The following DZIP3 variants were observed in gnomAD, a reference collection of about 807,000 sequenced individuals.
The protein encoded by DZIP3 is DAZ interacting zinc finger protein 3, also known as E3 ubiquitin-protein ligase DZIP3.
In DZIP3, 118 loss-of-function variants were observed where a neutral mutation model predicts 162.0. The observed-to-expected ratio is 0.73, with a 90% CI of 0.63 to 0.85. The LOEUF is 0.85. Among genes scored for constraint, DZIP3 ranks in the 40% least tolerant of loss-of-function variants. DZIP3 has a pLI of 0.00. For missense variants in DZIP3, 1,331 were observed against 1,407.0 expected (o/e 0.95, Z 0.86); for synonymous variants, 438 against 458.6 (o/e 0.96, Z 0.57).
intron 19 of DZIP3, among the ~76,000 whole-genome samples, chr3:108,656,693 G>C (rs1233389409): frequency 6.6e-6 from 1 of 151,994 alleles, no homozygotes; most frequent in East Asian, 1.9e-4. Flanking sequence ...AAACTACTCC[G>C]AGCTAAAGGA....
chr3:108,652,455 TAAC>T (rs1242550414), intron 18 of DZIP3, among the ~76,000 whole-genome samples: 1 of 151,898 alleles, frequency 6.6e-6, no homozygotes, highest in Non-Finnish European at 1.5e-5. Flanking sequence ...TTGTACTGCC[TAAC>T]AACATTTTGA....
chr3:108,595,495 A>G (rs1054977300), intron 1 of DZIP3, among the ~76,000 whole-genome samples: 1 of 152,114 alleles, frequency 6.6e-6, no homozygotes, highest in Admixed American at 6.6e-5. Context: ...GATTACAGAC[A>G]TGAGCCACCA....
rs773984419 is a variant in DZIP3, at chr3:108,677,418, A to C, written c.2782-79A>C. 292 of 1,223,432 alleles carry C rather than the reference A, an allele frequency of 2.4e-4. 1 individual carries two copies. The highest frequency in any genetic ancestry group is 5.9e-4 in the Middle Eastern group (3 of 5,120). 75.8% of individuals were successfully genotyped at this position (1,223,432 alleles called of 1,614,324 possible). On this transcript the variant is annotated intron_variant, in intron 25 of 32. Transcript: ENST00000361582. ...CCACTCTTGTATGTTGTATTATTCA[A>C]AACTACATCAGATATTCCCATATGC...
chr3:108,625,759 T>A (rs1941561630), intron 6 of DZIP3, 86 bp from the exon 7 acceptor site: 1 of 1,350,384 alleles, frequency 7.4e-7, no homozygotes, highest in Non-Finnish European at 9.8e-7. Flanking sequence ...CTGCCCTAAT[T>A]TCTCCAGTTT....
intron 8 of DZIP3, among the ~76,000 whole-genome samples, chr3:108,630,925 T>C (rs1209434450): frequency 6.6e-6 from 1 of 151,454 alleles, no homozygotes. Flanking sequence ...AAAGAAATAC[T>C]GCTATTTAAA....
chr3:108,595,768 A>G (rs1939681331), intron 1 of DZIP3, among the ~76,000 whole-genome samples: 1 of 152,226 alleles, frequency 6.6e-6, no homozygotes, highest in Non-Finnish European at 1.5e-5. Context: ...GAAGACTTGA[A>G]TTATAGCTTT....
chr3:108,674,457 G>A (rs1372197838), intron 24 of DZIP3, among the ~76,000 whole-genome samples: 1 of 151,828 alleles, frequency 6.6e-6, no homozygotes, highest in Admixed American at 6.6e-5. Flanking sequence ...GAAGCACTGA[G>A]AAGTCTAATG....
chr3:108,662,404 A>C, intron 21 of DZIP3, 147 bp downstream of exon 21: 1 of 1,035,234 alleles, frequency 9.7e-7, no homozygotes, highest in Non-Finnish European at 1.3e-6. Context: ...AAAACCAACC[A>C]TATTTTTGTC....
Position 108,694,579 on chromosome 3 carries a change from A to G in DZIP3, c.*1226A>G. On this transcript the variant is annotated 3_prime_UTR_variant, in exon 33 of 33. Coordinates refer to ENST00000361582, the MANE Select transcript of DZIP3 (RefSeq NM_014648.4). ...GGAAACTCCCATTTTTAAAACCATC[A>G]GATCTCATGAGGCTTACTATCACGA... is the stretch of plus-strand genomic sequence containing the variant. 1 of 155,498 alleles carries G rather than the reference A, an allele frequency of 6.4e-6. No individual in the cohort carries two copies. Among genetic ancestry groups the G allele is most frequent in the Non-Finnish European group, 1.4e-5 (1 of 70,702 alleles). The allele number at this position is 155,498 out of a possible 1,614,324, so 9.6% of individuals were successfully genotyped here. A position where few individuals can be genotyped will look rare whatever the true frequency, so the allele number is the denominator to read the frequency against.
At chr3:108,658,707 T>C (rs1315625062) in intron 19 of DZIP3, among the ~76,000 whole-genome samples, 1 of 151,680 alleles carries the variant, frequency 6.6e-6, no homozygotes, top group African/African-American at 2.4e-5. Flanking sequence ...CAGGAGCTGG[T>C]TTTTTGAAAA....
Position 108,624,531 on chromosome 3 carries a change from A to G in DZIP3, c.456+7A>G. Reference sequence around the variant, plus strand: ...TGAAAGAGGAAAGAAAGAGGTATGTAACATGTTATTTGCCCTTTATAAATC... The same window carrying G: ...TGAAAGAGGAAAGAAAGAGGTATGTGACATGTTATTTGCCCTTTATAAATC... On this transcript the variant is annotated splice_region_variant and intron_variant, in intron 6 of 32. Coordinates refer to ENST00000361582, the MANE Select transcript of DZIP3 (RefSeq NM_014648.4). 1 of 1,503,796 alleles carries G rather than the reference A, an allele frequency of 6.6e-7. No homozygotes were observed. Among genetic ancestry groups the G allele is most frequent in the Admixed American group, 1.9e-5 (1 of 53,872 alleles). 93.2% of individuals were successfully genotyped at this position (1,503,796 alleles called of 1,614,324 possible).
chr3:108,624,646 T>C (rs1390781846), intron 6 of DZIP3, 122 bp downstream of exon 6: 2 of 491,090 alleles, frequency 4.1e-6, no homozygotes, highest in Non-Finnish European at 7.1e-6. Context: ...TATAACTTCA[T>C]TTCTTTTATT....
Position 108,636,699 on chromosome 3 carries a change from T to G in DZIP3, c.1002T>G (p.Val334=). 1 of 1,575,578 alleles carries G rather than the reference T, an allele frequency of 6.3e-7. No homozygotes were observed. ...RMLQCDVPGI[V]KILFEVVRKD... is the part of the protein sequence containing the mutation. Reference sequence around the variant, plus strand: ...TGCAATGTGATGTACCTGGAATTGTTAAAATTTTGGTGAGTATCTTGTTTT... The same window carrying G: ...TGCAATGTGATGTACCTGGAATTGTGAAAATTTTGGTGAGTATCTTGTTTT... The change falls in exon 11 of 33, where the codon GTT becomes GTG. Residue 334 remains valine (V), a synonymous_variant. Coordinates refer to ENST00000361582, the MANE Select transcript of DZIP3 (RefSeq NM_014648.4).
rs1379147975 is a variant in DZIP3 at position 108,661,915 on chromosome 3, T to C, written c.2238T>C (p.Thr746=). 6.2e-7 allele frequency: 1 copy of C among 1,613,972 alleles called. No homozygotes were observed. Among genetic ancestry groups the C allele is most frequent in the Non-Finnish European group, 8.5e-7 (1 of 1,179,904 alleles). Residue 746 remains threonine, a synonymous_variant, in exon 20 of 33, where the codon ACT becomes ACC. Coordinates refer to ENST00000361582, the MANE Select transcript of DZIP3 (RefSeq NM_014648.4). ...AAGTAACTACAGACTATGGAGAAAC[T>C]GAAAAGGAAAGGCTTGCTCGTCAAA... ...AGKVTTDYGE[T]EKERLARQRQ... is the part of the protein sequence containing the mutation.
At chr3:108,662,005 TGA>T in intron 20 of DZIP3, 33 bp downstream of exon 20, 1 of 1,599,226 alleles carries the variant, frequency 6.3e-7, no homozygotes, top group African/African-American at 1.3e-5. Context: ...CTGATGGAAG[TGA>T]GAAGTATTTC....
rs770072325 is a variant in DZIP3, at chr3:108,608,146, A to G, written c.90A>G (p.Ser30=). 4.3e-6 allele frequency: 7 copies of G among 1,612,634 alleles called. No homozygotes were observed. The highest frequency in any genetic ancestry group is 5.9e-6 in the Non-Finnish European group (7 of 1,178,990). ...KEETENKLEK[S]SGQLNKQEND... ...AAACTGAGAATAAGCTAGAAAAATC[A>G]TCTGGTCAACTGGTAAGAGAAAGTT... The change falls in exon 3 of 33, where the codon TCA becomes TCG. Residue 30 remains serine, a synonymous_variant. Transcript: ENST00000361582.
intron 21 of DZIP3, 122 bp from the exon 22 acceptor site, chr3:108,669,559 C>T: frequency 2.6e-6 from 2 of 769,006 alleles, no homozygotes; most frequent in Non-Finnish European, 4.1e-6. Flanking sequence ...TATTCAGGCT[C>T]AAGATTTGTG....
At chr3:108,658,256 C>G (rs1328820162) in intron 19 of DZIP3, among the ~76,000 whole-genome samples, 6 of 152,162 alleles carry the variant, frequency 3.9e-5, no homozygotes, top group African/African-American at 1.4e-4. Context: ...CACTCCTCAG[C>G]AAATGTAAAA....
intron 26 of DZIP3, among the ~76,000 whole-genome samples, chr3:108,681,731 C>A (rs1448964120): frequency 6.9e-6 from 1 of 144,192 alleles, no homozygotes; most frequent in Admixed American, 6.7e-5. Flanking sequence ...AAATATACAC[C>A]ATGGAATACT....
Sources: gnomAD v4.1 joint callset for allele counts (sites outside exome capture counted in the v4.1 genomes callset) on GRCh38, gnomAD v4.1.1 for gene constraint, MANE v1.5 for transcripts, NCBI Gene and HGNC (gene_info 2026-07-23, HGNC 2026-07-21) for gene names.